Variants in PPP2R5C observed in about 807,000 individuals in gnomAD.
PPP2R5C encodes protein phosphatase 2 regulatory subunit B'gamma.
PPP2R5C carries 7 observed loss-of-function variants against 68.9 expected under a neutral mutation model. The ratio of observed to expected loss-of-function variants is 0.10; its 90% confidence interval spans 0.06 to 0.19. The LOEUF (loss-of-function observed/expected upper bound fraction) is 0.19. Among genes scored for constraint, PPP2R5C ranks in the 10% least tolerant of loss-of-function variants. PPP2R5C has a pLI of 1.00. For missense variants in PPP2R5C, 348 were observed against 641.3 expected (o/e 0.54, Z 4.94); for synonymous variants, 210 against 222.2 (o/e 0.95, Z 0.49).
At chr14:101,859,588 A>G (rs1242867946) in intron 2 of PPP2R5C, among the ~76,000 whole-genome samples, 1 of 152,194 alleles carries the variant, frequency 6.6e-6, no homozygotes, top group Non-Finnish European at 1.5e-5. Flanking sequence ...TTCTGTAGCT[A>G]GAGGGCATTG....
chr14:101,874,986 C>T (rs573312853), intron 2 of PPP2R5C, among the ~76,000 whole-genome samples: 9 of 152,170 alleles, frequency 5.9e-5, no homozygotes, highest in Non-Finnish European at 1.2e-4. Flanking sequence ...GTGACCTGCC[C>T]GCCTCAGCCT....
intron 13 of PPP2R5C, chr14:101,921,961 T>G (rs1189121311): frequency 1.0e-6 from 1 of 974,144 alleles, no homozygotes; most frequent in East Asian, 1.1e-4. Flanking sequence ...ATTTTAAATG[T>G]TTGCAATTCT....
rs182449767 is a variant in PPP2R5C, at chr14:101,883,980, C to G, written c.629+418C>G. On this transcript the variant is annotated intron_variant, in intron 5 of 13. Coordinates refer to ENST00000334743, the Ensembl canonical transcript of PPP2R5C. The stretch of plus-strand genomic sequence containing the variant: ...AGTTTATTAGGAGAGTTGACTCACA[C>G]GATCACAAGGTGAAGACCCACAATA... Among the ~76,000 whole-genome samples the G allele has an allele frequency of 9.0e-3, 1,368 of 152,300 alleles. 18 individuals carry two copies. Among genetic ancestry groups the G allele is most frequent in the African/African-American group, 0.031 (1,279 of 41,554 alleles).
In PPP2R5C at chr14:101,913,901, C is replaced by T. The variant is rs1263717971; in HGVS notation, c.1326+1428C>T. On this transcript the variant is annotated intron_variant, in intron 12 of 13. Coordinates refer to ENST00000334743, the Ensembl canonical transcript of PPP2R5C. This position sits in a 1 kb window ranked among gnomAD's most constrained non-coding sequence, Gnocchi z 4.1. ...ACACACACACACACAAACACACACA[C>T]ACGAATCAGAAGGTCTGATTTTATG... 1.3e-5 allele frequency among the ~76,000 whole-genome samples: 2 copies of T among 152,102 alleles called. No homozygotes were observed. The highest frequency in any genetic ancestry group is 2.9e-5 in the Non-Finnish European group (2 of 68,018).
Position 101,764,030 on chromosome 14 carries a change from G to GTGTGTGTGTGT in PPP2R5C, c.93+1060_93+1061insTGTGTGTGTGT, listed in dbSNP as rs1462659583. Among the ~76,000 whole-genome samples, 558 of 146,206 alleles carry GTGTGTGTGTGT rather than the reference G, an allele frequency of 3.8e-3. 4 individuals are homozygous for GTGTGTGTGTGT. The highest frequency in any genetic ancestry group is 0.024 in the East Asian group (124 of 5,072). On this transcript the variant is annotated intron_variant, in intron 2 of 14. Transcript: ENST00000328724. Reference sequence around the variant, plus strand: ...GTGTGTGTGTGTGTGTGTGTGTGTGGGCGCGCGCACTTGCGCGTCGGCCAC... The same window carrying GTGTGTGTGTGT: ...GTGTGTGTGTGTGTGTGTGTGTGTGGTGTGTGTGTGTGCGCGCGCACTTGCGCGTCGGCCAC...
chr14:101,769,276 A>C (rs2037026909), intron 2 of PPP2R5C, among the ~76,000 whole-genome samples: 1 of 152,330 alleles, frequency 6.6e-6, no homozygotes, highest in East Asian at 1.9e-4. Context: ...GTTCTGTGTC[A>C]TGTACACTGT....
intron 2 of PPP2R5C, among the ~76,000 whole-genome samples, chr14:101,775,667 C>A (rs1292114257): frequency 2.0e-5 from 3 of 152,190 alleles, no homozygotes; most frequent in African/African-American, 7.2e-5. Context: ...ACACCCTTTG[C>A]CTCTGTACCT....
At chr14:101,842,155 A>C (rs1481475056) in intron 1 of PPP2R5C, among the ~76,000 whole-genome samples, 2 of 152,234 alleles carry the variant, frequency 1.3e-5, no homozygotes, top group Non-Finnish European at 2.9e-5. Flanking sequence ...TCCATGAATA[A>C]TAAAAATATC....
upstream of PPP2R5C, among the ~76,000 whole-genome samples, chr14:101,761,285 A>T (rs2036510649): frequency 6.6e-6 from 1 of 152,116 alleles, no homozygotes; most frequent in South Asian, 2.1e-4. Flanking sequence ...CATACATTTC[A>T]AATGTGCATT....
rs565653380 is a variant in PPP2R5C, at chr14:101,888,690, C to T, written c.630-1547C>T. ...CACTGCAACCTCCATCTTCCAGGTTCAAGTGATCCTCCCACCTCAGCCTCC... is the reference window on the plus strand; with the variant it reads ...CACTGCAACCTCCATCTTCCAGGTTTAAGTGATCCTCCCACCTCAGCCTCC... On this transcript the variant is annotated intron_variant, in intron 5 of 13. Transcript: ENST00000334743. The surrounding 1 kb of genome is among the most constrained non-coding windows in gnomAD (Gnocchi z 5.6). 6.6e-6 allele frequency among the ~76,000 whole-genome samples: 1 copy of T among 152,314 alleles called. No homozygotes were observed. Among genetic ancestry groups the T allele is most frequent in the South Asian group, 2.1e-4 (1 of 4,830 alleles).
At chr14:101,870,227 G>A (rs2140761566) in intron 2 of PPP2R5C, among the ~76,000 whole-genome samples, 1 of 151,888 alleles carries the variant, frequency 6.6e-6, no homozygotes, top group East Asian at 1.9e-4. Context: ...GTCCAACTTA[G>A]GATTTGTCCT....
chr14:101,835,955 A>G lies in PPP2R5C; in HGVS notation c.95-20731A>G, dbSNP rs2041066017. On this transcript the variant is annotated intron_variant, in intron 1 of 13. Coordinates refer to ENST00000334743, the Ensembl canonical transcript of PPP2R5C. The surrounding 1 kb of genome is among the most constrained non-coding windows in gnomAD (Gnocchi z 5.0). ...TTAGTGGGCTGGGAAAAGTTACAGT[A>G]ATATATTACCAGCATGTAGAAAATA... 6.6e-6 allele frequency among the ~76,000 whole-genome samples: 1 copy of G among 152,250 alleles called. No individual in the cohort carries two copies. The highest frequency in any genetic ancestry group is 1.5e-5 in the Non-Finnish European group (1 of 68,036).
chr14:101,805,242 T>A (rs951537963), upstream of PPP2R5C, among the ~76,000 whole-genome samples: 15 of 152,120 alleles, frequency 9.9e-5, no homozygotes, highest in African/African-American at 4.8e-5. Context: ...ATTTTTGTAT[T>A]TTCAGTAAAG....
chr14:101,875,906 A>G (rs1023124362), intron 2 of PPP2R5C, among the ~76,000 whole-genome samples: 1 of 152,094 alleles, frequency 6.6e-6, no homozygotes, highest in African/African-American at 2.4e-5. Context: ...TGCTTTCTCC[A>G]TCAAGGCCTT....
chr14:101,925,221 C>G, exon 14 of PPP2R5C: 5 of 1,613,934 alleles, frequency 3.1e-6, no homozygotes, highest in Non-Finnish European at 4.2e-6. Flanking sequence ...CCAAGAAAGC[C>G]TTGGAAGCTC....
chr14:101,926,700 G>A (rs773030686), exon 14 of PPP2R5C: 1 of 152,308 alleles, frequency 6.6e-6, no homozygotes, highest in African/African-American at 2.4e-5. Flanking sequence ...CTTATTTTAG[G>A]ATCTGTTTTT....
intron 1 of PPP2R5C, chr14:101,818,991 G>A (rs1237063995): frequency 1.9e-6 from 3 of 1,544,214 alleles, no homozygotes; most frequent in Non-Finnish European, 2.6e-6. Context: ...TTTCACTCTA[G>A]GGAACAAGTC....
chr14:101,815,112 G>A (rs1033046363), intron 1 of PPP2R5C, among the ~76,000 whole-genome samples: 2 of 152,138 alleles, frequency 1.3e-5, no homozygotes, highest in Non-Finnish European at 1.5e-5. Context: ...GCCCAACACT[G>A]TGAGGCATTA....
At chr14:101,803,729 C>CAAA (rs934819668) in intron 3 of PPP2R5C, among the ~76,000 whole-genome samples, 1 of 108,714 alleles carries the variant, frequency 9.2e-6, no homozygotes, top group Non-Finnish European at 2.0e-5. Context: ...GACTCCATCT[C>CAAA]AAAAAAAAAA....
Sources: gnomAD v4.1 joint callset for allele counts (sites outside exome capture counted in the v4.1 genomes callset) on GRCh38, gnomAD v4.1.1 for gene constraint, Gnocchi (gnomAD v3.1) non-coding constraint, MANE v1.5 for transcripts, NCBI Gene and HGNC (gene_info 2026-07-23, HGNC 2026-07-21) for gene names.